The following PHF24 variants were observed in gnomAD, a reference collection of about 807,000 sequenced individuals.
The protein encoded by PHF24 is PHD finger protein 24.
Under a neutral mutation model 42.6 loss-of-function variants are expected in PHF24, and 25 were observed. The observed-to-expected ratio is 0.59, with a 90% confidence interval of 0.43 to 0.82. PHF24 has a LOEUF of 0.82. PHF24 is among the 40% of genes least tolerant of loss of function. The pLI, the probability that PHF24 is intolerant of heterozygous loss-of-function variation, is 0.00. For synonymous variants in PHF24, 185 were observed against 204.8 expected, an observed-to-expected ratio of 0.90 and a Z score of 0.83; for missense variants, 470 against 538.1, an observed-to-expected ratio of 0.87 and a Z score of 1.25.
At chr9:34,962,471 C>T (rs1826627795) in intron 1 of PHF24, among the ~76,000 whole-genome samples, 1 of 151,862 alleles carries the variant, frequency 6.6e-6, no homozygotes, top group African/African-American at 2.4e-5. Flanking sequence ...CACGCACATA[C>T]TCACTGCATT....
the PHF24 span, among the ~76,000 whole-genome samples, chr9:34,840,370 AAGATAGTAT>A: frequency 0.48 from 71,397 of 149,608 alleles, 17,674 homozygotes; most frequent in East Asian, 0.67. Flanking sequence ...CACAAAGGGA[AAGATAGTAT>A]AGATAGTATA....
the PHF24 span, among the ~76,000 whole-genome samples, chr9:34,923,448 T>C: frequency 6.6e-6 from 1 of 152,314 alleles, no homozygotes; most frequent in South Asian, 2.1e-4. Context: ...AGTGAAGCCA[T>C]TGGGTCCAGG....
chr9:34,797,255 G>A, the PHF24 span, among the ~76,000 whole-genome samples: 1 of 152,116 alleles, frequency 6.6e-6, no homozygotes, highest in Non-Finnish European at 1.5e-5. Context: ...AGCCCCAGTG[G>A]GTATGTATTA....
chr9:34,681,915 A>G, the PHF24 span, among the ~76,000 whole-genome samples: 1 of 152,310 alleles, frequency 6.6e-6, no homozygotes. Context: ...TCTCTGTCAC[A>G]TAGTAAGAAG....
chr9:34,719,751 T>G, the PHF24 span, among the ~76,000 whole-genome samples: 1 of 152,180 alleles, frequency 6.6e-6, no homozygotes, highest in Non-Finnish European at 1.5e-5. Context: ...TTCCCTTCAT[T>G]CTGGGCCTCC....
chr9:34,866,971 C>G, the PHF24 span, among the ~76,000 whole-genome samples: 1 of 152,196 alleles, frequency 6.6e-6, no homozygotes, highest in Non-Finnish European at 1.5e-5. Flanking sequence ...ACTAAATCCT[C>G]CTGGCCTCAG....
chr9:34,678,060 T>C, the PHF24 span: 6 of 152,242 alleles, frequency 3.9e-5, no homozygotes, highest in Non-Finnish European at 4.4e-5. Flanking sequence ...TTAATGTGAG[T>C]GGGCACAATC....
At chr9:34,864,309 A>G in the PHF24 span, among the ~76,000 whole-genome samples, 1 of 152,184 alleles carries the variant, frequency 6.6e-6, no homozygotes, top group African/African-American at 2.4e-5. Flanking sequence ...GTTATAGAAC[A>G]CCAAGCACAT....
rs370029429 is a variant in PHF24, at chr9:34,977,352, G to A, written c.1010+109G>A. ...CCCCCTGCCAACAGCCGAGAGAGGA[G>A]CCTCCTGTGCATTAGGTAGAGGATG... On this transcript the variant is annotated intron_variant, in intron 6 of 7. Transcript: ENST00000242315. The A allele has an allele frequency of 2.1e-5, 28 of 1,360,102 alleles. No homozygotes were observed. The African/African-American group carries it at 2.3e-4, about 11-fold the overall frequency. The allele number at this position is 1,360,102 out of a possible 1,614,324, so 84.3% of individuals were successfully genotyped here. A position where few individuals can be genotyped will look rare whatever the true frequency, so the allele number is the denominator to read the frequency against.
the PHF24 span, among the ~76,000 whole-genome samples, chr9:34,920,812 G>A: frequency 6.6e-6 from 1 of 152,084 alleles, no homozygotes. Context: ...TTTGCTGTTA[G>A]CATATAGAAA....
At chr9:34,744,472 T>A in the PHF24 span, among the ~76,000 whole-genome samples, 3 of 152,166 alleles carry the variant, frequency 2.0e-5, no homozygotes, top group Non-Finnish European at 4.4e-5. Context: ...ACTCAGAAGG[T>A]TCCTAGTAAT....
chr9:34,823,810 G>T, the PHF24 span, among the ~76,000 whole-genome samples: 14 of 152,148 alleles, frequency 9.2e-5, no homozygotes, highest in African/African-American at 2.9e-4. Context: ...GCCGAGAAGA[G>T]ACTGAGCCAC....
chr9:34,807,656 C>T, the PHF24 span, among the ~76,000 whole-genome samples: 1 of 151,866 alleles, frequency 6.6e-6, no homozygotes, highest in Non-Finnish European at 1.5e-5. Context: ...TCACAGGTGG[C>T]AAGATGATTT....
chr9:34,947,558 TA>T, the PHF24 span, among the ~76,000 whole-genome samples: 1 of 151,962 alleles, frequency 6.6e-6, no homozygotes, highest in South Asian at 2.1e-4. Flanking sequence ...TCTACTTATT[TA>T]AAAAAAATAG....
chr9:34,976,284 C>A (rs1827181923), intron 4 of PHF24, 54 bp downstream of exon 4: 1 of 1,426,818 alleles, frequency 7.0e-7, no homozygotes, highest in Admixed American at 1.7e-5. Context: ...ATTTCTCCTT[C>A]AGGCTTTCTA....
At chr9:34,898,228 T>C in the PHF24 span, among the ~76,000 whole-genome samples, 11 of 152,242 alleles carry the variant, frequency 7.2e-5, no homozygotes, top group African/African-American at 2.7e-4. Flanking sequence ...GTTCTACTTT[T>C]AGTTCTTTAA....
the PHF24 span, among the ~76,000 whole-genome samples, chr9:34,808,585 G>A: frequency 1.3e-5 from 2 of 152,122 alleles, no homozygotes; most frequent in Non-Finnish European, 2.9e-5. Context: ...TGGAGGCTGG[G>A]AAGTCCAAGA....
At chr9:34,704,346 C>T in the PHF24 span, among the ~76,000 whole-genome samples, 31 of 151,986 alleles carry the variant, frequency 2.0e-4, no homozygotes, top group African/African-American at 7.0e-4. Flanking sequence ...TAATTCTTTA[C>T]TAGTCCCACC....
At chr9:34,937,175 CATG>C in the PHF24 span, among the ~76,000 whole-genome samples, 1 of 152,206 alleles carries the variant, frequency 6.6e-6, no homozygotes, top group African/African-American at 2.4e-5. Flanking sequence ...GAGAACGGGC[CATG>C]ATGATAATGG....
Sources: gnomAD v4.1 joint callset for allele counts (sites outside exome capture counted in the v4.1 genomes callset) on GRCh38, gnomAD v4.1.1 for gene constraint, MANE v1.5 for transcripts, NCBI Gene and HGNC (gene_info 2026-07-23, HGNC 2026-07-21) for gene names.